The following MYH8 variants were observed in gnomAD, a reference collection of about 807,000 sequenced individuals.
MYH8 encodes myosin-8.
A neutral mutation model predicts 233.2 loss-of-function variants in MYH8; 168 were observed. The ratio of observed to expected loss-of-function variants is 0.72; its 90% CI spans 0.64 to 0.82. The LOEUF is 0.82. Among genes scored for constraint, MYH8 ranks in the 40% least tolerant of loss-of-function variants. The pLI is 0.00. For missense variants in MYH8, 1,995 were observed against 2,327.8 expected (o/e 0.86, Z 2.94); for synonymous variants, 785 against 850.6 (o/e 0.92, Z 1.34).
In MYH8 at chr17:10,415,526, A is replaced by T; in HGVS notation, c.594T>A (p.Phe198Leu). 1 of 1,614,256 alleles carries T rather than the reference A, an allele frequency of 6.2e-7. No individual in the cohort carries two copies. Among genetic ancestry groups the T allele is most frequent in the East Asian group, 2.2e-5 (1 of 44,890 alleles). ...TVNTKRVIQY[F>L]ATIAVTGEKK... ...TCTCTCCAGTAACTGCAATTGTTGC[A>T]AAGTATTGGATGACACGCTTGGTGT... Residue 198 changes from phenylalanine to leucine, a missense_variant, in exon 7 of 40, where the codon TTT becomes TTA. This residue lies in a region of MYH8 where 479 missense variants were observed against 600.9 expected (regional missense o/e 0.80). Coordinates refer to ENST00000403437, the MANE Select transcript of MYH8 (RefSeq NM_002472.3). This position sits in a 1 kb window ranked among gnomAD's most constrained non-coding sequence, Gnocchi z 4.1.
chr17:10,393,066 G>A lies in MYH8; in HGVS notation c.5292+19C>T, dbSNP rs541994027. On this transcript the variant is annotated intron_variant, in intron 36 of 39. Transcript: ENST00000403437. ...GATAGCAGGTGCATACGTGTCAGTA[G>A]GCCAAATGTTCATCTTACATCAGTG... 5.0e-6 allele frequency: 8 copies of A among 1,614,204 alleles called. No homozygotes were observed. The Admixed American group carries it at 1.2e-4, about 24-fold the overall frequency.
chr17:10,396,483 G>A lies in MYH8; in HGVS notation c.4529-29C>T. On this transcript the variant is annotated intron_variant, in intron 32 of 39. Coordinates refer to ENST00000403437, the MANE Select transcript of MYH8 (RefSeq NM_002472.3). The surrounding 1 kb of genome is among the most constrained non-coding windows in gnomAD (Gnocchi z 4.2). Reference sequence around the variant, plus strand: ...TGGTTGAACAGACAGGAGAGAAATGGTCAGAAAGATGGCAACATGGAAAGG... The same window carrying A: ...TGGTTGAACAGACAGGAGAGAAATGATCAGAAAGATGGCAACATGGAAAGG... 6.2e-7 allele frequency: 1 copy of A among 1,614,028 alleles called. No homozygotes were observed. The highest frequency in any genetic ancestry group is 1.1e-5 in the South Asian group (1 of 91,046).
chr17:10,399,577 G>A lies in MYH8; in HGVS notation c.3828C>T (p.Leu1276=), dbSNP rs748792484. The A allele has an allele frequency of 3.7e-6, 6 of 1,613,968 alleles. No individual in the cohort carries two copies. Among genetic ancestry groups the A allele is most frequent in the Non-Finnish European group, 5.1e-6 (6 of 1,180,026 alleles). Residue 1276 remains leucine (L), a synonymous_variant, in exon 28 of 40, where the codon CTC becomes CTT. Transcript: ENST00000403437. ...EEEQQRLIND[L]TAQRARLQTE... ...TCTGCAGGCGCGCTCTCTGTGCTGT[G>A]AGGTCATTGATCAGCCGCTGCTGCT...
chr17:10,391,312 A>G (rs1330271094), intron 39 of MYH8, among the ~76,000 whole-genome samples: 1 of 152,178 alleles, frequency 6.6e-6, no homozygotes, highest in African/African-American at 2.4e-5. Flanking sequence ...TTTCTACTGT[A>G]TATCATTTGT....
Position 10,419,057 on chromosome 17 carries a change from G to A in MYH8, c.211-27C>T, listed in dbSNP as rs538554976. 10 of 1,613,760 alleles carry A rather than the reference G, an allele frequency of 6.2e-6. No individual in the cohort carries two copies. The highest frequency in any genetic ancestry group is 4.5e-5 in the East Asian group (2 of 44,860). ...TGGTGAGTAAGCAAGAAACCAGTTCGTTTTTGTTTGTTTGTTTGAGATAGA... is the reference window on the plus strand; with the variant it reads ...TGGTGAGTAAGCAAGAAACCAGTTCATTTTTGTTTGTTTGTTTGAGATAGA... On this transcript the variant is annotated intron_variant, in intron 3 of 39. Transcript: ENST00000403437. The surrounding 1 kb of genome is among the most constrained non-coding windows in gnomAD (Gnocchi z 4.0).
At chr17:10,404,156 A>G (rs1242795562) in intron 22 of MYH8, among the ~76,000 whole-genome samples, 174 bp downstream of exon 22, 1 of 152,170 alleles carries the variant, frequency 6.6e-6, no homozygotes, top group Admixed American at 6.5e-5. Flanking sequence ...TTCCCATTGT[A>G]ACTTGGAAAT....
chr17:10,398,053 A>C (rs983762042), intron 30 of MYH8, among the ~76,000 whole-genome samples: 3 of 152,154 alleles, frequency 2.0e-5, no homozygotes, highest in African/African-American at 7.2e-5. Context: ...TATTTAGGCC[A>C]ACCCTAAACA....
In MYH8 at chr17:10,396,306, A is replaced by G. The variant is rs1174751427; in HGVS notation, c.4653+24T>C. On this transcript the variant is annotated intron_variant, in intron 33 of 39. Coordinates refer to ENST00000403437, the MANE Select transcript of MYH8 (RefSeq NM_002472.3). The surrounding 1 kb of genome is among the most constrained non-coding windows in gnomAD (Gnocchi z 4.2). ...CTGATGTTTGTCTTTGTTTTTCCAT[A>G]ACATAATACAAGGTAATATGTACCT... The G allele has an allele frequency of 2.5e-6, 4 of 1,612,790 alleles. No individual in the cohort carries two copies. Among genetic ancestry groups the G allele is most frequent in the Non-Finnish European group, 3.4e-6 (4 of 1,179,500 alleles).
rs780656237 is a variant in MYH8, at chr17:10,395,393, A to G, written c.4702T>C (p.Leu1568=). Residue 1568 remains leucine, a synonymous_variant, in exon 34 of 40, where the codon TTA becomes CTA. Transcript: ENST00000403437. ...EGKILRIQLE[L]NQVKSEVDRK... is the part of the protein sequence containing the mutation. ...TCAACTTCAGACTTGACTTGGTTTA[A>G]CTCAAGCTGGATACGCAGAATCTTT... The G allele has an allele frequency of 1.2e-6, 2 of 1,613,972 alleles. No homozygotes were observed. Among genetic ancestry groups the G allele is most frequent in the Non-Finnish European group, 1.7e-6 (2 of 1,179,982 alleles).
At position 10,392,953 on chromosome 17, in the gene MYH8, G is replaced by A. The variant is rs1396330990; in HGVS notation, c.5341C>T (p.His1781Tyr). 2 of 1,614,084 alleles carry A rather than the reference G, an allele frequency of 1.2e-6. No individual in the cohort carries two copies. Among genetic ancestry groups the A allele is most frequent in the Non-Finnish European group, 1.7e-6 (2 of 1,180,050 alleles). The change falls in exon 37 of 40, where the codon CAC becomes TAC. Residue 1781 changes from histidine to tyrosine, a missense_variant. Coordinates refer to ENST00000403437, the MANE Select transcript of MYH8 (RefSeq NM_002472.3). ...AGGTTCTTCTTCATCCGCTCCAGGT[G>A]GGCGCTGGTGTCCTGTTCCTTCTTC... Reference protein sequence around the residue: ...ELKKEQDTSAHLERMKKNLEQ... With the variant: ...ELKKEQDTSAYLERMKKNLEQ...
intron 34 of MYH8, 23 bp downstream of exon 34, chr17:10,395,110 G>A (rs189018791): frequency 3.1e-6 from 5 of 1,612,248 alleles, no homozygotes; most frequent in South Asian, 1.1e-5. Context: ...CTTCATCTGG[G>A]AGGCGAATGT....
At chr17:10,405,822 T>TC (rs1384756928) in intron 21 of MYH8, among the ~76,000 whole-genome samples, 1 of 152,226 alleles carries the variant, frequency 6.6e-6, no homozygotes, top group Non-Finnish European at 1.5e-5. Context: ...TACTGCAAAC[T>TC]ATTCCTGTGG....
chr17:10,418,351 C>T lies in MYH8; in HGVS notation c.511+294G>A, dbSNP rs1225127478. On this transcript the variant is annotated intron_variant, in intron 5 of 39. Transcript: ENST00000403437. ...TTGGAAAGTAACAAAATATGGAAAA[C>T]AATAAATATGTTTACAGTGGTCTAG... Among the ~76,000 whole-genome samples, 4 of 152,216 alleles carry T rather than the reference C, an allele frequency of 2.6e-5. No homozygotes were observed. The East Asian group carries it at 7.7e-4, about 29-fold the overall frequency.
chr17:10,400,910 C>G lies in MYH8; in HGVS notation c.3304G>C (p.Ala1102Pro). ...TTCTTCTGTAGTTGAATTTCTACAG[C>G]TTGCTCATCTTCAATTTTGCTTATC... Reference protein sequence around the residue: ...NLISKIEDEQAVEIQLQKKIK... With the variant: ...NLISKIEDEQPVEIQLQKKIK... Residue 1102 changes from alanine (A) to proline (P), a missense_variant, in exon 26 of 40, where the codon GCT (alanine) becomes CCT (proline). Coordinates refer to ENST00000403437, the MANE Select transcript of MYH8 (RefSeq NM_002472.3). This position sits in a 1 kb window ranked among gnomAD's most constrained non-coding sequence, Gnocchi z 4.0. 1 of 1,613,788 alleles carries G rather than the reference C, an allele frequency of 6.2e-7. No homozygotes were observed. Among genetic ancestry groups the G allele is most frequent in the Non-Finnish European group, 8.5e-7 (1 of 1,180,018 alleles).
chr17:10,407,728 A>G (rs945166097), intron 17 of MYH8, among the ~76,000 whole-genome samples: 9 of 151,842 alleles, frequency 5.9e-5, no homozygotes, highest in African/African-American at 2.2e-4. Flanking sequence ...AATACCAGCT[A>G]CTTGGGAGGC....
At chr17:10,403,201 A>G (rs1418712402) in intron 22 of MYH8, among the ~76,000 whole-genome samples, 4 of 152,140 alleles carry the variant, frequency 2.6e-5, no homozygotes. Context: ...TGTCCATTCC[A>G]TTTGTGGCCC....
In MYH8 at chr17:10,418,928, G is replaced by A. The variant is rs2072311921; in HGVS notation, c.313C>T (p.Leu105=). 6.2e-7 allele frequency: 1 copy of A among 1,614,050 alleles called. No homozygotes were observed. Among genetic ancestry groups the A allele is most frequent in the African/African-American group, 1.3e-5 (1 of 74,922 alleles). Residue 105 remains leucine, a synonymous_variant, in exon 4 of 40, where the codon CTG becomes TTG. Coordinates refer to ENST00000403437, the MANE Select transcript of MYH8 (RefSeq NM_002472.3). The stretch of plus-strand genomic sequence containing the variant: ...GCATAGCGCTCTTTGAGGTTGTACA[G>A]CACTCCAGGCTCGTGTAGATGAGTC... ...MMTHLHEPGV[L]YNLKERYAAW...
chr17:10,390,858 G>C (rs2072014998), intron 39 of MYH8, among the ~76,000 whole-genome samples: 1 of 152,172 alleles, frequency 6.6e-6, no homozygotes, highest in African/African-American at 2.4e-5. Flanking sequence ...TGTGTGGAAA[G>C]GAGGAAGAGA....
At position 10,399,646 on chromosome 17, in the gene MYH8, G is replaced by A. The variant is rs778405318; in HGVS notation, c.3759C>T (p.Arg1253=). 6.2e-7 allele frequency: 1 copy of A among 1,614,058 alleles called. No homozygotes were observed. The highest frequency in any genetic ancestry group is 1.7e-5 in the Admixed American group (1 of 60,016). ...KAKGNLEKMC[R]SLEDQVSELK... ...GCTCACTCACTTGATCTTCTAGAGA[G>A]CGGCACATCTTTTCAAGGTTTCCCT... Residue 1253 remains arginine (R), a synonymous_variant, in exon 28 of 40, where the codon CGC becomes CGT. Coordinates refer to ENST00000403437, the MANE Select transcript of MYH8 (RefSeq NM_002472.3).
Sources: gnomAD v4.1 joint callset for allele counts (sites outside exome capture counted in the v4.1 genomes callset) on GRCh38, gnomAD v4.1.1 for gene constraint, gnomAD v4.1.1 regional missense constraint, Gnocchi (gnomAD v3.1) non-coding constraint, MANE v1.5 for transcripts, NCBI Gene and HGNC (gene_info 2026-07-23, HGNC 2026-07-21) for gene names.